Variants in DMPK observed in about 807,000 individuals in gnomAD.
DMPK encodes the protein myotonin-protein kinase.
In DMPK, 32 loss-of-function variants were observed where a neutral mutation model predicts 70.3. That is an observed-to-expected ratio of 0.46 (90% CI 0.34 to 0.61). The LOEUF is 0.61. Among genes scored for constraint, DMPK ranks in the 20% least tolerant of loss-of-function variants. The probability of loss-of-function intolerance (pLI) is 0.01; values close to 1 mark genes in which losing one functional copy is unlikely to be tolerated. For synonymous variants in DMPK, 469 were observed against 390.9 expected (o/e 1.20, Z -2.36); for missense variants, 899 against 886.0 (o/e 1.01, Z -0.19).
rs1187249218 is a variant in DMPK at position 45,770,545 on chromosome 19, G to A, written c.1833C>T (p.Ala611=). Residue 611 remains alanine (A), a synonymous_variant, in exon 15 of 15, where the codon GCC becomes GCT. Transcript: ENST00000291270. ...AAALGCIGLV[A]HAGQLTAVWR... is the part of the protein sequence containing the mutation. ...AGACTGCGGTGAGTTGGCCGGCGTG[G>A]GCCACCAACCCAATGCAGCCCAGGG... The A allele has an allele frequency of 1.3e-5, 20 of 1,550,780 alleles. No individual in the cohort carries two copies. Among genetic ancestry groups the A allele is most frequent in the Non-Finnish European group, 1.7e-5 (20 of 1,146,958 alleles).
Position 45,782,338 on chromosome 19 carries a change from C to T in DMPK, c.15G>A (p.Val5=). The T allele has an allele frequency of 6.3e-7, 1 of 1,577,092 alleles. No individual in the cohort carries two copies. The highest frequency in any genetic ancestry group is 8.6e-7 in the Non-Finnish European group (1 of 1,162,476). The part of the protein sequence containing the change: MSAE[V]RLRRLQQLVL... ...CCAGCTGCTGGAGCCGCCTCAGCCG[C>T]ACCTCGGCTGACATGTTGGACAGGC... is the stretch of plus-strand genomic sequence containing the variant. The change falls in exon 1 of 15, where the codon GTG becomes GTA. Residue 5 remains valine, a synonymous_variant. Transcript: ENST00000291270.
intron 8 of DMPK, chr19:45,776,537 C>T (rs1391847553): frequency 6.4e-6 from 1 of 155,512 alleles, no homozygotes; most frequent in African/African-American, 2.4e-5. Context: ...AATCACAGCT[C>T]ACTGCAGCCT....
Position 45,770,333 on chromosome 19 carries a change from C to A in DMPK, c.*155G>T. The A allele has an allele frequency of 9.0e-7, 1 of 1,114,154 alleles. No homozygotes were observed. The highest frequency in any genetic ancestry group is 1.3e-6 in the Non-Finnish European group (1 of 760,516). 69.0% of individuals were successfully genotyped at this position (1,114,154 alleles called of 1,614,324 possible). A position where few individuals can be genotyped will look rare whatever the true frequency, so the allele number is the denominator to read the frequency against. ...CGGACCCGGCCCCTCCCTCCCCGGC[C>A]GCTAGGGGGCGGGCCCGGATCACAG... is the stretch of plus-strand genomic sequence containing the variant. On this transcript the variant is annotated 3_prime_UTR_variant, in exon 15 of 15. Coordinates refer to ENST00000291270, the MANE Select transcript of DMPK (RefSeq NM_004409.5).
intron 9 of DMPK, among the ~76,000 whole-genome samples, chr19:45,773,290 G>C (rs534741898): frequency 5.7e-4 from 87 of 152,344 alleles, no homozygotes; most frequent in African/African-American, 2.0e-3. Context: ...ACACGGCTCA[G>C]GACCTAGCTA....
chr19:45,770,793 T>C (rs2146219544), intron 14 of DMPK, 153 bp from the exon 15 acceptor site: 1 of 1,037,954 alleles, frequency 9.6e-7, no homozygotes, highest in East Asian at 2.6e-5. Context: ...CTCGCACGCC[T>C]CGAATCCCGT....
At chr19:45,772,870 G>A (rs1600421900) in intron 9 of DMPK, 118 bp from the exon 10 acceptor site, 2 of 535,516 alleles carry the variant, frequency 3.7e-6, no homozygotes, top group Admixed American at 4.4e-5. Flanking sequence ...ATTTGAGGAA[G>A]GGGAGCAGCA....
chr19:45,778,074 T>C, intron 6 of DMPK, 53 bp downstream of exon 6: 1 of 1,471,666 alleles, frequency 6.8e-7, no homozygotes, highest in Non-Finnish European at 9.4e-7. Context: ...ACTCTGTGCC[T>C]TCCATCCCTC....
Position 45,775,945 on chromosome 19 carries a change from C to A in DMPK, c.1147-911G>T. Among the ~76,000 whole-genome samples, 2 of 98,110 alleles carry A rather than the reference C, an allele frequency of 2.0e-5. 1 individual carries two copies. The highest frequency in any genetic ancestry group is 2.7e-4 in the Admixed American group (2 of 7,396). The allele number at this position is 98,110 out of a possible 152,430, so 64.4% of individuals were successfully genotyped here. A position where few individuals can be genotyped will look rare whatever the true frequency, so the allele number is the denominator to read the frequency against. ...AAGCAATTCTCCTGCCTCAGCTTCCCCAGTAACTGGAATTACAGGCACCCG... is the reference window on the plus strand; with the variant it reads ...AAGCAATTCTCCTGCCTCAGCTTCCACAGTAACTGGAATTACAGGCACCCG... On this transcript the variant is annotated intron_variant, in intron 8 of 14. Transcript: ENST00000291270.
At chr19:45,782,016 A>G (rs764855500) in intron 1 of DMPK, among the ~76,000 whole-genome samples, 177 bp downstream of exon 1, 22 of 152,090 alleles carry the variant, frequency 1.4e-4, no homozygotes, top group Non-Finnish European at 3.2e-4. Context: ...GAGTGGTGGC[A>G]TAGGACAGAG....
chr19:45,779,367 G>A lies in DMPK; in HGVS notation c.337-8C>T. ...CTCACGGAAGCACGACACCTGCAGG[G>A]CACCCGGAGGAGCTGCAGCCGGAGA... On this transcript the variant is annotated splice_polypyrimidine_tract_variant and splice_region_variant and intron_variant, in intron 3 of 14. Transcript: ENST00000291270. 1 of 1,614,006 alleles carries A rather than the reference G, an allele frequency of 6.2e-7. No homozygotes were observed.
At position 45,777,712 on chromosome 19, in the gene DMPK, G is replaced by A. The variant is rs145261129; in HGVS notation, c.837C>T (p.Tyr279=). The A allele has an allele frequency of 4.0e-5, 64 of 1,613,866 alleles. No homozygotes were observed. Among genetic ancestry groups the A allele is most frequent in the Non-Finnish European group, 5.3e-5 (63 of 1,180,046 alleles). ...YEMFYGQTPF[Y]ADSTAETYGK... ...CATAGGTCTCCGCCGTGGAATCCGC[G>A]TAGAAGGGCGTCTGCCCATAGAACA... Residue 279 remains tyrosine, a synonymous_variant, in exon 7 of 15, where the codon TAC becomes TAT. Transcript: ENST00000291270. The surrounding 1 kb of genome is among the most constrained non-coding windows in gnomAD (Gnocchi z 6.7).
chr19:45,782,206 G>C lies in DMPK; in HGVS notation c.147C>G (p.Asp49Glu). 3.6e-6 allele frequency: 5 copies of C among 1,385,706 alleles called. No individual in the cohort carries two copies. The highest frequency in any genetic ancestry group is 4.8e-6 in the Non-Finnish European group (5 of 1,041,598). 85.8% of individuals were successfully genotyped at this position (1,385,706 alleles called of 1,614,324 possible). A position where few individuals can be genotyped will look rare whatever the true frequency, so the allele number is the denominator to read the frequency against. The change falls in exon 1 of 15, where the codon GAC becomes GAG. Residue 49 changes from aspartate (D) to glutamate (E), a missense_variant. By Grantham distance (45) the Asp-to-Glu change is conservative (BLOSUM62 2). Coordinates refer to ENST00000291270, the MANE Select transcript of DMPK (RefSeq NM_004409.5). ...SELAQDKYVA[D>E]FLQWAEPIVV... ...GTAGGCACTCACCCCACTGCAAGAAGTCGGCCACGTACTTGTCCTGGGCCA... is the reference window on the plus strand; with the variant it reads ...GTAGGCACTCACCCCACTGCAAGAACTCGGCCACGTACTTGTCCTGGGCCA...
In DMPK at chr19:45,772,688, C is replaced by G; in HGVS notation, c.1297G>C (p.Val433Leu). 6.5e-7 allele frequency: 1 copy of G among 1,529,778 alleles called. No homozygotes were observed. The highest frequency in any genetic ancestry group is 8.7e-7 in the Non-Finnish European group (1 of 1,149,420). The allele number at this position is 1,529,778 out of a possible 1,614,324, so 94.8% of individuals were successfully genotyped here. ...GAGGGCTCCAGGCTGGGCGCTTGCA[C>G]GTGTGGCTCAAGCAGCTGCTCGGCC... is the stretch of plus-strand genomic sequence containing the variant. The part of the protein sequence containing the change: ...LEAEQLLEPH[V>L]QAPSLEPSVS... Residue 433 changes from valine to leucine, a missense_variant, in exon 10 of 15, where the codon GTG (valine) becomes CTG (leucine). By Grantham distance (32) the Val-to-Leu change is conservative. Around this residue, in one of 3 missense-constraint regions of DMPK, gnomAD observed 555 missense variants for 483.8 expected, o/e 1.15. Transcript: ENST00000291270.
chr19:45,778,975 T>G (rs553599209), intron 4 of DMPK: 1 of 573,890 alleles, frequency 1.7e-6, no homozygotes, highest in African/African-American at 1.9e-5. Context: ...GTGGCCCCGT[T>G]AGAATTCCTG....
chr19:45,777,617 C>T lies in DMPK; in HGVS notation c.883-27G>A, dbSNP rs770389641. The T allele has an allele frequency of 6.2e-7, 1 of 1,612,806 alleles. No individual in the cohort carries two copies. Among genetic ancestry groups the T allele is most frequent in the Non-Finnish European group, 8.5e-7 (1 of 1,179,464 alleles). On this transcript the variant is annotated intron_variant, in intron 7 of 14. Coordinates refer to ENST00000291270, the MANE Select transcript of DMPK (RefSeq NM_004409.5). The surrounding 1 kb of genome is among the most constrained non-coding windows in gnomAD (Gnocchi z 6.7). ...TGCTCAGAGGGAGAGGAGGCGATAG[C>T]CTGGGAGCGCCTACCGGGAGAGGCC...
In DMPK at chr19:45,779,281, G is replaced by C. The variant is rs1969968014; in HGVS notation, c.415C>G (p.Gln139Glu). The C allele has an allele frequency of 6.2e-7, 1 of 1,613,874 alleles. No individual in the cohort carries two copies. The highest frequency in any genetic ancestry group is 1.3e-5 in the African/African-American group (1 of 74,896). ...GAGCTCACCAGGTAGTTCTCATCCT[G>C]GAAGGCGAAGTGCAGCTGCGTGATC... ...RWITQLHFAF[Q>E]DENYLYLVME... The change falls in exon 4 of 15, where the codon CAG (glutamine) becomes GAG (glutamate). Residue 139 changes from glutamine (Q) to glutamate (E), a missense_variant. Around this residue, in one of 3 missense-constraint regions of DMPK, gnomAD observed 195 missense variants for 259.7 expected, o/e 0.75. Transcript: ENST00000291270.
In DMPK at chr19:45,777,585, G is replaced by A. The variant is rs147815859; in HGVS notation, c.888C>T (p.His296=). Residue 296 remains histidine (H), a synonymous_variant, in exon 8 of 15, where the codon CAC becomes CAT. Coordinates refer to ENST00000291270, the MANE Select transcript of DMPK (RefSeq NM_004409.5). The surrounding 1 kb of genome is among the most constrained non-coding windows in gnomAD (Gnocchi z 6.7). The part of the protein sequence containing the change: ...TYGKIVHYKE[H]LSLPLVDEGV... ...CTTCGTCCACCAGCGGCAGAGAGAGGTGCTCCTGCTCAGAGGGAGAGGAGG... is the reference window on the plus strand; with the variant it reads ...CTTCGTCCACCAGCGGCAGAGAGAGATGCTCCTGCTCAGAGGGAGAGGAGG... 7.9e-5 allele frequency: 128 copies of A among 1,613,236 alleles called. No individual in the cohort carries two copies. Among genetic ancestry groups the A allele is most frequent in the Middle Eastern group, 1.6e-4 (1 of 6,082 alleles).
chr19:45,773,153 AC>A (rs1282890365), intron 9 of DMPK, among the ~76,000 whole-genome samples: 3 of 152,136 alleles, frequency 2.0e-5, no homozygotes, highest in Non-Finnish European at 4.4e-5. Context: ...TGGTCCTAAG[AC>A]TGGGCATGGG....
At chr19:45,774,594 T>C (rs1228099960) in intron 9 of DMPK, among the ~76,000 whole-genome samples, 2 of 152,218 alleles carry the variant, frequency 1.3e-5, no homozygotes, top group Non-Finnish European at 2.9e-5. Flanking sequence ...CTTATTGTTA[T>C]ATGGCTGATT....
Sources: allele counts gnomAD v4.1 joint callset (sites outside exome capture counted in the v4.1 genomes callset), GRCh38; gene constraint gnomAD v4.1.1; regional missense constraint gnomAD v4.1.1; non-coding constraint Gnocchi (gnomAD v3.1); transcripts MANE v1.5; gene names NCBI Gene and HGNC (gene_info 2026-07-23, HGNC 2026-07-21).